The following OR14L1 variants were observed in gnomAD, a reference collection of about 807,000 sequenced individuals.
The protein encoded by OR14L1 is olfactory receptor family 14 subfamily L member 1.
the OR14L1 span, chr1:247,621,258 T>G: frequency 3.3e-5 from 5 of 152,210 alleles, no homozygotes; most frequent in Non-Finnish European, 7.3e-5. Context: ...AAAGTTATTA[T>G]GCATTATTCC....
At chr1:247,617,195 A>G in the OR14L1 span, 2 of 152,252 alleles carry the variant, frequency 1.3e-5, no homozygotes, top group East Asian at 1.9e-4. Context: ...CATCAAGTTT[A>G]TATTTTTGAA....
the OR14L1 span, chr1:247,617,283 T>G: frequency 6.6e-6 from 1 of 152,200 alleles, no homozygotes; most frequent in Non-Finnish European, 1.5e-5. Context: ...ATTTTTCAAT[T>G]TTATCTGATA....
At chr1:247,621,388 T>C in the OR14L1 span, 2 of 152,286 alleles carry the variant, frequency 1.3e-5, no homozygotes, top group South Asian at 4.1e-4. Flanking sequence ...GTTATCCTTT[T>C]TAAAGTCCTT....
the OR14L1 span, among the ~76,000 whole-genome samples, chr1:247,618,384 T>C: frequency 2.0e-5 from 3 of 152,126 alleles, no homozygotes; most frequent in Non-Finnish European, 2.9e-5. Flanking sequence ...ACTCCTAGAA[T>C]TGCATACTTT....
the OR14L1 span, chr1:247,622,003 C>T: frequency 3.3e-5 from 5 of 152,164 alleles, no homozygotes; most frequent in African/African-American, 1.2e-4. Flanking sequence ...TGCCGCAATG[C>T]ACATGGAAAT....
the OR14L1 span, among the ~76,000 whole-genome samples, chr1:247,617,695 TGTGTGTGTGTGTGTGC>T: frequency 1.4e-5 from 2 of 146,752 alleles, no homozygotes; most frequent in East Asian, 2.0e-4. Context: ...TGGTGAAAGG[TGTGTGTGTGTGTGTGC>T]GTGTGTGTGT....
chr1:247,619,931 C>G, the OR14L1 span: 1 of 152,268 alleles, frequency 6.6e-6, no homozygotes, highest in East Asian at 1.9e-4. Context: ...TTTGGGTGTG[C>G]TCTGCAAGCC....
chr1:247,620,972 G>T, the OR14L1 span: 1 of 152,034 alleles, frequency 6.6e-6, no homozygotes, highest in Non-Finnish European at 1.5e-5. Context: ...ACAACCAAAT[G>T]GAAAATAAAC....
the OR14L1 span, among the ~76,000 whole-genome samples, chr1:247,618,067 TTTTC>T: frequency 5.9e-5 from 9 of 152,134 alleles, no homozygotes; most frequent in Non-Finnish European, 1.3e-4. Context: ...CAAGAAGCAT[TTTTC>T]TTTCTATTTG....
chr1:247,620,458 C>G, the OR14L1 span: 7 of 152,028 alleles, frequency 4.6e-5, no homozygotes, highest in Non-Finnish European at 8.8e-5. Flanking sequence ...GGATGTTTTC[C>G]TGTCTGCGTT....
At chr1:247,620,381 T>C in the OR14L1 span, 1 of 152,212 alleles carries the variant, frequency 6.6e-6, no homozygotes, top group Non-Finnish European at 1.5e-5. Flanking sequence ...CTTGTGGTTG[T>C]AACACTCTTT....
At chr1:247,618,413 C>G in the OR14L1 span, among the ~76,000 whole-genome samples, 7,974 of 152,032 alleles carry the variant, frequency 0.052, 726 homozygotes, top group African/African-American at 0.18. Flanking sequence ...ACAGTTTACC[C>G]TACATAAATT....
chr1:247,619,229 G>C, the OR14L1 span, among the ~76,000 whole-genome samples: 1 of 152,052 alleles, frequency 6.6e-6, no homozygotes, highest in Non-Finnish European at 1.5e-5. Flanking sequence ...TTGCAATGCT[G>C]TTCTTTAACA....
At chr1:247,622,095 A>C in the OR14L1 span, 1 of 152,152 alleles carries the variant, frequency 6.6e-6, no homozygotes, top group Non-Finnish European at 1.5e-5. Flanking sequence ...CATTTGCTGA[A>C]TTTCACAAAT....
chr1:247,621,907 A>G, the OR14L1 span: 1 of 152,062 alleles, frequency 6.6e-6, no homozygotes, highest in African/African-American at 2.4e-5. Flanking sequence ...GCTGAATAGT[A>G]TTCCATTGTG....
At chr1:247,617,290 G>A in the OR14L1 span, 162 of 152,290 alleles carry the variant, frequency 1.1e-3, no homozygotes, top group African/African-American at 3.7e-3. Flanking sequence ...AATTTTATCT[G>A]ATATGTTCAG....
At chr1:247,618,213 T>C in the OR14L1 span, among the ~76,000 whole-genome samples, 1 of 152,194 alleles carries the variant, frequency 6.6e-6, no homozygotes, top group Non-Finnish European at 1.5e-5. Context: ...GGTTTAACTT[T>C]TGATTTACCC....
At chr1:247,621,155 A>C in the OR14L1 span, 1 of 152,216 alleles carries the variant, frequency 6.6e-6, no homozygotes, top group Non-Finnish European at 1.5e-5. Context: ...GAAGGTTCAC[A>C]GAGGAGAAAT....
At chr1:247,620,016 C>G in the OR14L1 span, 2 of 152,328 alleles carry the variant, frequency 1.3e-5, no homozygotes, top group East Asian at 3.9e-4. Flanking sequence ...ATATGGCCAT[C>G]TGCCGGCCTT....
Sources: allele counts gnomAD v4.1 joint callset (sites outside exome capture counted in the v4.1 genomes callset), GRCh38; gene constraint gnomAD v4.1.1; transcripts MANE v1.5; gene names NCBI Gene and HGNC (gene_info 2026-07-23, HGNC 2026-07-21).